Variants in STPG2 observed in about 807,000 individuals in gnomAD.
The protein encoded by STPG2 is sperm-tail PG-rich repeat-containing protein 2.
In STPG2, 56 loss-of-function variants were observed where a neutral mutation model predicts 54.2. That is an observed-to-expected ratio of 1.03 (90% CI 0.83 to 1.29). The LOEUF is 1.29. Among genes scored for constraint, STPG2 ranks in the 50% most tolerant of loss-of-function variants. The pLI, the probability that STPG2 is intolerant of heterozygous loss-of-function variation, is 0.00. For missense variants in STPG2, 596 were observed against 544.9 expected (o/e 1.09, Z -0.93); for synonymous variants, 200 against 181.8 (o/e 1.10, Z -0.81).
intron 5 of STPG2, among the ~76,000 whole-genome samples, chr4:98,070,980 T>C (rs1447475936): frequency 1.3e-5 from 2 of 151,474 alleles, no homozygotes; most frequent in East Asian, 3.9e-4. Flanking sequence ...AAACTACCAT[T>C]TACATGTTTA....
chr4:97,646,517 AC>A (rs1485360107), intron 10 of STPG2, among the ~76,000 whole-genome samples: 1 of 152,140 alleles, frequency 6.6e-6, no homozygotes, highest in Non-Finnish European at 1.5e-5. Flanking sequence ...TATAATGGAA[AC>A]CAGGAACATT....
chr4:97,613,475 CGTGTGTGT>C (rs70953075), intron 10 of STPG2, among the ~76,000 whole-genome samples: 4,407 of 142,298 alleles, frequency 0.031, 99 homozygotes, highest in African/African-American at 0.061. Flanking sequence ...AGTCATCACC[CGTGTGTGT>C]GTGTGTGTGT....
chr4:97,777,658 T>C (rs1171982222), intron 9 of STPG2, among the ~76,000 whole-genome samples: 5 of 152,244 alleles, frequency 3.3e-5, no homozygotes, highest in Admixed American at 6.5e-5. Flanking sequence ...TACAGTCAAA[T>C]GTATGAAGTA....
intron 7 of STPG2, among the ~76,000 whole-genome samples, chr4:97,948,137 G>T (rs2149236986): frequency 6.6e-6 from 1 of 152,102 alleles, no homozygotes; most frequent in South Asian, 2.1e-4. Context: ...ATCTAAAAAA[G>T]TTGTAGGTTT....
intron 8 of STPG2, among the ~76,000 whole-genome samples, chr4:97,933,884 T>C (rs1196970622): frequency 6.6e-6 from 1 of 152,238 alleles, no homozygotes; most frequent in Non-Finnish European, 1.5e-5. Flanking sequence ...AAAGTAGTTT[T>C]TTCTAATTCT....
intron 4 of STPG2, among the ~76,000 whole-genome samples, chr4:97,492,814 A>C (rs1730530413): frequency 1.3e-5 from 2 of 150,984 alleles, no homozygotes; most frequent in South Asian, 4.2e-4. Flanking sequence ...TCAAATATCT[A>C]TACTAATGTA....
intron 9 of STPG2, among the ~76,000 whole-genome samples, chr4:97,807,232 C>G (rs1035855307): frequency 6.6e-6 from 1 of 151,386 alleles, no homozygotes; most frequent in Non-Finnish European, 1.5e-5. Context: ...TGCCTTAATT[C>G]CTTTAATATG....
chr4:97,582,029 TA>T (rs1732875016), intron 10 of STPG2, among the ~76,000 whole-genome samples: 2 of 152,046 alleles, frequency 1.3e-5, no homozygotes, highest in Admixed American at 1.3e-4. Context: ...ATAACTATTT[TA>T]AATAGAAATT....
intron 5 of STPG2, among the ~76,000 whole-genome samples, chr4:98,010,367 A>G (rs1465484456): frequency 1.3e-5 from 2 of 152,096 alleles, no homozygotes; most frequent in East Asian, 3.8e-4. Context: ...TTTTATCATT[A>G]TATAATGACC....
At chr4:97,904,489 C>T (rs1731320708) in intron 8 of STPG2, among the ~76,000 whole-genome samples, 1 of 152,190 alleles carries the variant, frequency 6.6e-6, no homozygotes, top group Non-Finnish European at 1.5e-5. Flanking sequence ...GTAGATAAAA[C>T]CACAAAGATG....
At chr4:97,914,629 T>C (rs193243990) in intron 8 of STPG2, among the ~76,000 whole-genome samples, 9 of 152,262 alleles carry the variant, frequency 5.9e-5, no homozygotes, top group Admixed American at 5.2e-4. Context: ...TTCTACAAGT[T>C]GCACACTGAG....
At chr4:98,009,248 C>T (rs1735663919) in intron 5 of STPG2, among the ~76,000 whole-genome samples, 1 of 151,750 alleles carries the variant, frequency 6.6e-6, no homozygotes, top group Non-Finnish European at 1.5e-5. Flanking sequence ...GAATTGCATT[C>T]ACTGCATCTT....
chr4:98,088,928 C>T (rs1005976434), intron 5 of STPG2, among the ~76,000 whole-genome samples: 2 of 152,126 alleles, frequency 1.3e-5, no homozygotes, highest in Non-Finnish European at 2.9e-5. Context: ...TCATTGGATG[C>T]CTTTGGATCC....
rs543136370 is a variant in STPG2 at position 98,052,728 on chromosome 4, T to C, written c.612+53225A>G. On this transcript the variant is annotated intron_variant, in intron 5 of 10. Coordinates refer to ENST00000295268, the MANE Select transcript of STPG2 (RefSeq NM_174952.3). ...CTAGAAAGCATTAAATAAAATCACATATTTAAAATACTTAACACAGTGGCT... is the reference window on the plus strand; with the variant it reads ...CTAGAAAGCATTAAATAAAATCACACATTTAAAATACTTAACACAGTGGCT... 1.2e-4 allele frequency among the ~76,000 whole-genome samples: 18 copies of C among 152,312 alleles called. No homozygotes were observed. The South Asian group carries it at 3.3e-3, about 28-fold the overall frequency.
chr4:98,066,503 C>T (rs572206419), intron 5 of STPG2, among the ~76,000 whole-genome samples: 3 of 152,234 alleles, frequency 2.0e-5, no homozygotes, highest in South Asian at 2.1e-4. Context: ...GCAGGAGAAT[C>T]GCTTGAACCT....
At chr4:97,969,256 T>C (rs1734232143) in intron 7 of STPG2, among the ~76,000 whole-genome samples, 1 of 152,242 alleles carries the variant, frequency 6.6e-6, no homozygotes, top group East Asian at 1.9e-4. Flanking sequence ...ACAGTGTTTC[T>C]GTTTTAAGGC....
chr4:97,729,943 G>A (rs1476008217), intron 9 of STPG2, among the ~76,000 whole-genome samples: 1 of 152,094 alleles, frequency 6.6e-6, no homozygotes, highest in Non-Finnish European at 1.5e-5. Flanking sequence ...GTATCTTGCA[G>A]CTATACTGAA....
intron 8 of STPG2, among the ~76,000 whole-genome samples, chr4:97,919,762 A>C (rs1181490480): frequency 6.6e-6 from 1 of 152,292 alleles, no homozygotes; most frequent in Middle Eastern, 3.4e-3. Flanking sequence ...CTTGGAAAAA[A>C]CCTAGTAAAA....
chr4:97,856,195 T>A (rs564669937), intron 8 of STPG2, among the ~76,000 whole-genome samples: 1 of 152,300 alleles, frequency 6.6e-6, no homozygotes, highest in African/African-American at 2.4e-5. Flanking sequence ...TTTCTCTAAT[T>A]CTGCGGAGAA....
Sources: gnomAD v4.1 joint callset for allele counts (sites outside exome capture counted in the v4.1 genomes callset) on GRCh38, gnomAD v4.1.1 for gene constraint, MANE v1.5 for transcripts, NCBI Gene and HGNC (gene_info 2026-07-23, HGNC 2026-07-21) for gene names.